MCTP2: variants seen among roughly 807,000 people sequenced by gnomAD.
The protein encoded by MCTP2 is multiple C2 and transmembrane domain containing 2.
In MCTP2, 132 loss-of-function variants were observed where a neutral mutation model predicts 111.6. The observed-to-expected ratio is 1.18, with a 90% confidence interval of 1.03 to 1.37. The LOEUF (loss-of-function observed/expected upper bound fraction) is 1.37, where lower values mean the gene tolerates loss of function less well. MCTP2 is among the 40% of genes most tolerant of loss of function. The probability of loss-of-function intolerance (pLI) is 0.00; values close to 1 mark genes in which losing one functional copy is unlikely to be tolerated. For synonymous variants in MCTP2, 395 were observed against 387.7 expected, an observed-to-expected ratio of 1.02 and a Z score of -0.22; for missense variants, 1,183 against 1,067.9, an observed-to-expected ratio of 1.11 and a Z score of -1.50.
chr15:94,416,680 C>A (rs1055533400), intron 17 of MCTP2, among the ~76,000 whole-genome samples: 6 of 152,068 alleles, frequency 3.9e-5, no homozygotes, highest in African/African-American at 1.4e-4. Context: ...CTTTAGTGCC[C>A]TTGCTTTCAA....
intron 14 of MCTP2, among the ~76,000 whole-genome samples, chr15:94,387,037 C>T (rs571543319): frequency 1.7e-4 from 26 of 152,060 alleles, no homozygotes; most frequent in South Asian, 4.1e-4. Flanking sequence ...CATTCTACCT[C>T]GTATTTTGAA....
intron 1 of MCTP2, among the ~76,000 whole-genome samples, chr15:94,277,879 G>T (rs149795617): frequency 6.6e-6 from 1 of 152,204 alleles, no homozygotes; most frequent in Non-Finnish European, 1.5e-5. Context: ...TATAACAAAT[G>T]TATCACACTA....
chr15:94,314,061 G>A (rs534918078), intron 2 of MCTP2, among the ~76,000 whole-genome samples: 16 of 152,310 alleles, frequency 1.1e-4, no homozygotes, highest in South Asian at 2.1e-4. Context: ...CAGCAGGGGC[G>A]TGCAGTTCCT....
chr15:94,476,804 AATGGTTACC>A lies in MCTP2; in HGVS notation c.2568+13_2568+21del. On this transcript the variant is annotated intron_variant, in intron 22 of 22. Coordinates refer to ENST00000357742, the MANE Select transcript of MCTP2 (RefSeq NM_001385001.1). ...TCTGATGTTCAAAAGGTATGTAATG[AATGGTTACC>A]ACCAACAGTGGCCCCAACCTGAAAT... 6.8e-7 allele frequency: 1 copy of A among 1,463,602 alleles called. No homozygotes were observed. The highest frequency in any genetic ancestry group is 1.1e-5 in the South Asian group (1 of 87,548). The allele number at this position is 1,463,602 out of a possible 1,614,324, so 90.7% of individuals were successfully genotyped here.
intron 18 of MCTP2, among the ~76,000 whole-genome samples, chr15:94,441,710 A>G (rs938540331): frequency 5.9e-5 from 9 of 152,236 alleles, no homozygotes; most frequent in Admixed American, 5.2e-4. Flanking sequence ...ACTACAGTGC[A>G]TAGTGACGAA....
intron 4 of MCTP2, among the ~76,000 whole-genome samples, chr15:94,325,155 A>T (rs10220756): frequency 0.033 from 5,013 of 152,138 alleles, 277 homozygotes; most frequent in African/African-American, 0.11. Flanking sequence ...TGGGCTTTGG[A>T]CATGGACCAC....
intron 20 of MCTP2, among the ~76,000 whole-genome samples, chr15:94,465,497 C>A (rs886993333): frequency 6.6e-6 from 1 of 152,104 alleles, no homozygotes; most frequent in African/African-American, 2.4e-5. Flanking sequence ...TTTAAGATAT[C>A]TTATTGTATG....
chr15:94,235,471 G>C (rs760746880), intron 1 of MCTP2, among the ~76,000 whole-genome samples: 1 of 152,080 alleles, frequency 6.6e-6, no homozygotes. Flanking sequence ...AAAACCACTG[G>C]TCTTAATATT....
intron 17 of MCTP2, among the ~76,000 whole-genome samples, chr15:94,406,271 T>A (rs978209153): frequency 1.2e-4 from 19 of 152,118 alleles, no homozygotes; most frequent in Non-Finnish European, 2.4e-4. Flanking sequence ...AATAAGCCTA[T>A]AGAGGTCAAG....
chr15:94,235,577 A>G (rs575586289), intron 1 of MCTP2, among the ~76,000 whole-genome samples: 1 of 152,196 alleles, frequency 6.6e-6, no homozygotes, highest in Non-Finnish European at 1.5e-5. Context: ...GTAATATGAT[A>G]ATTTGTATTA....
At chr15:94,374,485 G>A (rs1192835665) in intron 12 of MCTP2, among the ~76,000 whole-genome samples, 1 of 152,190 alleles carries the variant, frequency 6.6e-6, no homozygotes, top group Non-Finnish European at 1.5e-5. Flanking sequence ...ACTAGGAATT[G>A]AAACCATCAT....
chr15:94,470,739 G>A (rs184922875), intron 21 of MCTP2, among the ~76,000 whole-genome samples: 32 of 152,032 alleles, frequency 2.1e-4, no homozygotes, highest in African/African-American at 7.7e-4. Flanking sequence ...ATATATTGCT[G>A]TGCCCGGGTA....
intron 1 of MCTP2, among the ~76,000 whole-genome samples, chr15:94,237,962 A>AC (rs1368172745): frequency 1.3e-5 from 2 of 151,634 alleles, no homozygotes. Flanking sequence ...CCTGGAAGCC[A>AC]CCCCCCGCCC....
At chr15:94,312,514 G>T (rs1263065290) in intron 2 of MCTP2, among the ~76,000 whole-genome samples, 11 of 152,224 alleles carry the variant, frequency 7.2e-5, no homozygotes, top group Admixed American at 4.6e-4. Flanking sequence ...TACTTCCTCA[G>T]TCAGAGGCAT....
At chr15:94,313,593 C>T (rs1052563066) in intron 2 of MCTP2, among the ~76,000 whole-genome samples, 40 of 151,980 alleles carry the variant, frequency 2.6e-4, no homozygotes, top group African/African-American at 8.7e-4. Flanking sequence ...CCCAGCTACT[C>T]GGGAGGCTGA....
chr15:94,377,808 A>T (rs113665047), intron 12 of MCTP2, among the ~76,000 whole-genome samples: 142 of 152,244 alleles, frequency 9.3e-4, no homozygotes, highest in African/African-American at 1.7e-3. Context: ...GCAGGAAGTG[A>T]TGTTCTAGCA....
chr15:94,358,430 A>G (rs1169223830), intron 9 of MCTP2, 52 bp from the exon 10 acceptor site: 7 of 1,517,696 alleles, frequency 4.6e-6, no homozygotes, highest in Admixed American at 1.8e-5. Context: ...TAGCTTCTGT[A>G]GCAATGAATG....
intron 1 of MCTP2, among the ~76,000 whole-genome samples, chr15:94,269,433 A>C (rs552834874): frequency 6.6e-6 from 1 of 152,222 alleles, no homozygotes; most frequent in African/African-American, 2.4e-5. Flanking sequence ...TAGACAGATA[A>C]TAGAGTAGAT....
intron 7 of MCTP2, among the ~76,000 whole-genome samples, chr15:94,344,903 CTG>C (rs1342470989): frequency 8.7e-4 from 133 of 152,256 alleles, no homozygotes; most frequent in African/African-American, 3.0e-3. Context: ...CTTTTTCATA[CTG>C]AATACTTAGA....
Sources: allele counts gnomAD v4.1 joint callset (sites outside exome capture counted in the v4.1 genomes callset), GRCh38; gene constraint gnomAD v4.1.1; transcripts MANE v1.5; gene names NCBI Gene and HGNC (gene_info 2026-07-23, HGNC 2026-07-21).